The following THADA variants were observed in gnomAD, a reference collection of about 807,000 sequenced individuals.
THADA encodes tRNA (32-2'-O)-methyltransferase regulator THADA.
A neutral mutation model predicts 219.8 loss-of-function variants in THADA; 213 were observed. That is an observed-to-expected ratio of 0.97 (90% CI 0.87 to 1.09). The LOEUF (loss-of-function observed/expected upper bound fraction) is 1.09, where lower values mean the gene tolerates loss of function less well. THADA is among the 50% of genes least tolerant of loss of function. The pLI, the probability that THADA is intolerant of heterozygous loss-of-function variation, is 0.00. For missense variants in THADA, 2,956 were observed against 2,311.3 expected, an observed-to-expected ratio of 1.28 and a Z score of -5.72; for synonymous variants, 1,018 against 828.9, an observed-to-expected ratio of 1.23 and a Z score of -3.92.
At chr2:43,544,990 C>T (rs1695831706) in intron 20 of THADA, among the ~76,000 whole-genome samples, 1 of 152,064 alleles carries the variant, frequency 6.6e-6, no homozygotes, top group African/African-American at 2.4e-5. Flanking sequence ...TTCGCCCATT[C>T]AGTATGACAT....
intron 26 of THADA, among the ~76,000 whole-genome samples, chr2:43,478,703 C>A (rs535724699): frequency 6.6e-6 from 1 of 152,196 alleles, no homozygotes; most frequent in South Asian, 2.1e-4. Context: ...TGAAGCAGTA[C>A]TTAGAAATAA....
chr2:43,444,444 C>T (rs1395671455), intron 26 of THADA, among the ~76,000 whole-genome samples: 1 of 152,214 alleles, frequency 6.6e-6, no homozygotes, highest in Non-Finnish European at 1.5e-5. Context: ...TTCAATTTGT[C>T]TGCATATTCC....
chr2:43,251,350 C>CTA (rs1407350655), intron 36 of THADA, among the ~76,000 whole-genome samples: 6 of 152,168 alleles, frequency 3.9e-5, no homozygotes, highest in African/African-American at 1.4e-4. Context: ...TTAAGGGAGG[C>CTA]TATACCCTGA....
At chr2:43,546,323 G>T (rs935172285) in intron 20 of THADA, among the ~76,000 whole-genome samples, 3 of 152,090 alleles carry the variant, frequency 2.0e-5, no homozygotes, top group Non-Finnish European at 4.4e-5. Flanking sequence ...GTGTGGTGTG[G>T]TGCTGAAAAA....
intron 4 of THADA, 82 bp downstream of exon 4, chr2:43,590,742 A>T: frequency 1.3e-6 from 2 of 1,486,240 alleles, no homozygotes; most frequent in Non-Finnish European, 1.8e-6. Context: ...GTTCAGTTTT[A>T]TCAAACCAAG....
At chr2:43,348,625 G>A (rs1667910418) in intron 29 of THADA, among the ~76,000 whole-genome samples, 1 of 152,080 alleles carries the variant, frequency 6.6e-6, no homozygotes, top group Non-Finnish European at 1.5e-5. Flanking sequence ...ATCTGAGAGA[G>A]CTTCTGCGGG....
At chr2:43,385,606 C>CAAAAAAAA (rs532857816) in intron 29 of THADA, among the ~76,000 whole-genome samples, 7 of 49,870 alleles carry the variant, frequency 1.4e-4, no homozygotes, top group Non-Finnish European at 2.2e-4. Context: ...GACTCCGTCT[C>CAAAAAAAA]AAAAAAAAAA....
intron 15 of THADA, chr2:43,566,016 A>C (rs1004638661): frequency 6.4e-6 from 1 of 155,048 alleles, no homozygotes; most frequent in Non-Finnish European, 1.4e-5. Flanking sequence ...TGAACCCAGC[A>C]GGCGGAGGTT....
chr2:43,546,179 T>C (rs144688207), intron 20 of THADA, among the ~76,000 whole-genome samples: 48,918 of 149,852 alleles, frequency 0.33, 8,313 homozygotes, highest in African/African-American at 0.41. Context: ...TGTAGTTGAG[T>C]GGTTTTGAGT....
chr2:43,414,451 G>A (rs190576303), intron 28 of THADA, among the ~76,000 whole-genome samples: 1 of 152,162 alleles, frequency 6.6e-6, no homozygotes, highest in Non-Finnish European at 1.5e-5. Context: ...CGAAGTCAGA[G>A]TTCATCCAAC....
chr2:43,287,930 C>A (rs1467168094), intron 34 of THADA, among the ~76,000 whole-genome samples: 1 of 152,176 alleles, frequency 6.6e-6, no homozygotes, highest in African/African-American at 2.4e-5. Context: ...TTTCCCCTTC[C>A]TGCTGGCTAA....
intron 17 of THADA, among the ~76,000 whole-genome samples, chr2:43,554,368 C>T (rs1026508647): frequency 3.9e-5 from 6 of 152,080 alleles, no homozygotes; most frequent in South Asian, 2.1e-4. Flanking sequence ...CTCCCCTCAA[C>T]GCCTTGGAAG....
At chr2:43,440,039 G>A (rs1228230454) in intron 26 of THADA, among the ~76,000 whole-genome samples, 1 of 152,016 alleles carries the variant, frequency 6.6e-6, no homozygotes, top group African/African-American at 2.4e-5. Flanking sequence ...AATGGAAAAA[G>A]TAAAAATGCA....
rs140256219 is a variant in THADA, at chr2:43,459,928, C to T, written c.3836+25306G>A. Reference sequence around the variant, plus strand: ...GTTTTCAGACCAAATGAGTTCAGCACGGAAGTCTCAAAAGCCACATCTTGG... The same window carrying T: ...GTTTTCAGACCAAATGAGTTCAGCATGGAAGTCTCAAAAGCCACATCTTGG... On this transcript the variant is annotated intron_variant, in intron 26 of 37. Coordinates refer to ENST00000405975, the MANE Select transcript of THADA (RefSeq NM_022065.5). Among the ~76,000 whole-genome samples the T allele has an allele frequency of 2.5e-3, 379 of 152,198 alleles. 1 individual carries two copies. The highest frequency in any genetic ancestry group is 9.0e-3 in the African/African-American group (372 of 41,522).
chr2:43,560,476 T>G, intron 15 of THADA, 91 bp from the exon 16 acceptor site: 1 of 983,216 alleles, frequency 1.0e-6, no homozygotes, highest in Non-Finnish European at 1.4e-6. Context: ...AGAAAATAAG[T>G]ACCAAAAAAC....
At chr2:43,342,708 G>C (rs959799210) in intron 30 of THADA, among the ~76,000 whole-genome samples, 1 of 152,214 alleles carries the variant, frequency 6.6e-6, no homozygotes, top group African/African-American at 2.4e-5. Flanking sequence ...TAATATACCA[G>C]ATGAAAATTA....
intron 29 of THADA, among the ~76,000 whole-genome samples, chr2:43,356,097 G>C (rs571720608): frequency 7.2e-5 from 11 of 152,242 alleles, no homozygotes; most frequent in Admixed American, 2.0e-4. Context: ...ATAGAGAACA[G>C]AAGGCCAAGA....
chr2:43,518,640 T>C (rs1371345564), intron 22 of THADA, among the ~76,000 whole-genome samples: 1 of 152,258 alleles, frequency 6.6e-6, no homozygotes, highest in African/African-American at 2.4e-5. Flanking sequence ...CTATGTTTCA[T>C]ATGAGCAATG....
At position 43,538,425 on chromosome 2, in the gene THADA, A is replaced by C. The variant is rs1045351719; in HGVS notation, c.3264+2734T>G. On this transcript the variant is annotated intron_variant, in intron 21 of 37. Coordinates refer to ENST00000405975, the MANE Select transcript of THADA (RefSeq NM_022065.5). Reference sequence around the variant, plus strand: ...TTACAGTGAAGGAGGAAAGTCAGACATGCCTCTGAATGAACACATTTTCCT... The same window carrying C: ...TTACAGTGAAGGAGGAAAGTCAGACCTGCCTCTGAATGAACACATTTTCCT... 3.3e-5 allele frequency: 5 copies of C among 152,332 alleles called. No homozygotes were observed. In the East Asian group the frequency reaches 5.8e-4, roughly 18 times the overall value. The allele number at this position is 152,332 out of a possible 1,614,324, so 9.4% of individuals were successfully genotyped here.
Sources: gnomAD v4.1 joint callset for allele counts (sites outside exome capture counted in the v4.1 genomes callset) on GRCh38, gnomAD v4.1.1 for gene constraint, MANE v1.5 for transcripts, NCBI Gene and HGNC (gene_info 2026-07-23, HGNC 2026-07-21) for gene names.